The following MYO9A variants were observed in gnomAD, a reference collection of about 807,000 sequenced individuals.
MYO9A encodes unconventional myosin-IXa.
MYO9A carries 103 observed loss-of-function variants against 293.3 expected under a neutral mutation model. The observed-to-expected ratio is 0.35, with a 90% confidence interval of 0.30 to 0.41. The LOEUF is 0.41. Among genes scored for constraint, MYO9A ranks in the 10% least tolerant of loss-of-function variants. MYO9A has a pLI of 1.00. For missense variants in MYO9A, 2,685 were observed against 3,033.0 expected (o/e 0.89, Z 2.69); for synonymous variants, 1,001 against 1,035.7 (o/e 0.97, Z 0.64).
Position 71,878,366 on chromosome 15 carries a change from A to G in MYO9A, c.5740-135T>C, listed in dbSNP as rs181665105. 9 of 544,306 alleles carry G rather than the reference A, an allele frequency of 1.7e-5. No homozygotes were observed. The East Asian group carries it at 2.3e-4, about 14-fold the overall frequency. 33.7% of individuals were successfully genotyped at this position (544,306 alleles called of 1,614,324 possible). On this transcript the variant is annotated intron_variant, in intron 30 of 41. Transcript: ENST00000356056. ...GATATAATTTCTAATGAGCATGCCC[A>G]TGAGGTCATGTGGTATTTGTAAACT... is the stretch of plus-strand genomic sequence containing the variant.
chr15:71,925,186 T>A (rs12148549), intron 18 of MYO9A, among the ~76,000 whole-genome samples: 6 of 2,692 alleles, frequency 2.2e-3, no homozygotes, highest in Non-Finnish European at 9.5e-3. Flanking sequence ...CATATATACA[T>A]GTGTATATAT....
chr15:72,093,849 T>C (rs1388020723), intron 1 of MYO9A, among the ~76,000 whole-genome samples: 1 of 90,208 alleles, frequency 1.1e-5, no homozygotes, highest in African/African-American at 2.6e-5. Context: ...ACTGTGCCAC[T>C]GCACTCCAGC....
chr15:71,874,365 C>T (rs555966190), intron 32 of MYO9A, among the ~76,000 whole-genome samples: 4 of 151,832 alleles, frequency 2.6e-5, no homozygotes, highest in African/African-American at 9.7e-5. Context: ...AAAGTAAAGA[C>T]GATAGGAGGA....
At chr15:72,100,888 G>C (rs1471962623) in intron 1 of MYO9A, among the ~76,000 whole-genome samples, 4 of 121,698 alleles carry the variant, frequency 3.3e-5, no homozygotes, top group Non-Finnish European at 7.0e-5. Context: ...TCAGCCCCCC[G>C]CCGGCCAGCC....
At chr15:72,080,919 T>C (rs929429120) in intron 1 of MYO9A, among the ~76,000 whole-genome samples, 8 of 152,116 alleles carry the variant, frequency 5.3e-5, no homozygotes, top group African/African-American at 1.9e-4. Context: ...CTACACAGTA[T>C]TCCATGGTGT....
chr15:72,087,362 TCTGG>T (rs925670872), intron 1 of MYO9A, among the ~76,000 whole-genome samples: 50 of 152,206 alleles, frequency 3.3e-4, no homozygotes, highest in Non-Finnish European at 1.3e-4. Context: ...CACCAAACCC[TCTGG>T]GCTCTGCACT....
chr15:71,940,302 CTG>C (rs1338724771), intron 15 of MYO9A, among the ~76,000 whole-genome samples: 1 of 152,140 alleles, frequency 6.6e-6, no homozygotes, highest in Non-Finnish European at 1.5e-5. Flanking sequence ...CAGGACAAGC[CTG>C]GGCAACATGC....
chr15:71,981,532 C>A (rs1251643051), intron 11 of MYO9A, among the ~76,000 whole-genome samples: 2 of 152,122 alleles, frequency 1.3e-5, no homozygotes, highest in Admixed American at 6.6e-5. Context: ...TTTGACAAGT[C>A]TATTAACATA....
intron 37 of MYO9A, among the ~76,000 whole-genome samples, chr15:71,850,622 AG>A (rs60189555): frequency 1 from 152,031 of 152,032 alleles, 76,015 homozygotes; most frequent in Non-Finnish European, 1. Flanking sequence ...AAAATTAGCC[AG>A]GGTGTGGTGG....
At chr15:71,886,117 AT>A (rs1377329978) in intron 27 of MYO9A, among the ~76,000 whole-genome samples, 1 of 150,366 alleles carries the variant, frequency 6.7e-6, no homozygotes, top group Non-Finnish European at 1.5e-5. Context: ...TTATCTGTTA[AT>A]TTTGGTTTCT....
In MYO9A at chr15:71,951,854, T is replaced by C. The variant is rs1316771019; in HGVS notation, c.2225A>G (p.Asp742Gly). The C allele has an allele frequency of 1.9e-6, 3 of 1,611,628 alleles. No individual in the cohort carries two copies. The highest frequency in any genetic ancestry group is 1.7e-5 in the Admixed American group (1 of 59,726). The stretch of plus-strand genomic sequence containing the variant: ...TGGGTGTTGGAGAAAGCTAAAACTA[T>C]CCATACTTTTCAAAATTGCACATGG... ...TAPCAILKSM[D>G]SFSFLQHPVH... The change falls in exon 15 of 42, where the codon GAT (aspartate) becomes GGT (glycine). Residue 742 changes from aspartate (D) to glycine (G), a missense_variant. This residue lies in a region of MYO9A where 1,434 missense variants were observed against 1,497.7 expected (regional missense o/e 0.96). Coordinates refer to ENST00000356056, the MANE Select transcript of MYO9A (RefSeq NM_006901.4).
At chr15:72,052,983 A>AAGT (rs1446976397) in intron 1 of MYO9A, among the ~76,000 whole-genome samples, 3 of 152,170 alleles carry the variant, frequency 2.0e-5, no homozygotes, top group Non-Finnish European at 4.4e-5. Flanking sequence ...TCACCCCAAG[A>AAGT]AGTATCACCC....
At chr15:72,063,140 A>T (rs1201076679) in intron 1 of MYO9A, among the ~76,000 whole-genome samples, 1 of 152,256 alleles carries the variant, frequency 6.6e-6, no homozygotes, top group East Asian at 1.9e-4. Context: ...AAGAACACAC[A>T]CTGGGGAAAA....
chr15:72,087,685 G>A (rs2079784324), intron 1 of MYO9A, among the ~76,000 whole-genome samples: 1 of 152,142 alleles, frequency 6.6e-6, no homozygotes, highest in South Asian at 2.1e-4. Flanking sequence ...TTAGGAGTGT[G>A]CCAGTTGTCC....
chr15:72,001,868 A>G (rs2076875900), intron 8 of MYO9A, among the ~76,000 whole-genome samples: 1 of 152,198 alleles, frequency 6.6e-6, no homozygotes, highest in South Asian at 2.1e-4. Context: ...AAAATACATT[A>G]AAGAACAAAA....
intron 25 of MYO9A, chr15:71,897,083 G>A (rs1416862539): frequency 5.6e-6 from 1 of 179,122 alleles, no homozygotes; most frequent in African/African-American, 2.4e-5. Flanking sequence ...GCCAACAGCT[G>A]TAACAAAACA....
intron 1 of MYO9A, among the ~76,000 whole-genome samples, chr15:72,057,055 C>T (rs1337089106): frequency 2.0e-5 from 3 of 149,196 alleles, no homozygotes; most frequent in Non-Finnish European, 4.5e-5. Context: ...TGCAGTGAGC[C>T]GAGATTGCAC....
chr15:72,099,264 C>T (rs1309762726), intron 1 of MYO9A, among the ~76,000 whole-genome samples: 1 of 151,784 alleles, frequency 6.6e-6, no homozygotes, highest in Non-Finnish European at 1.5e-5. Context: ...CATGGTGAAA[C>T]CTCATCTCCA....
chr15:71,861,853 G>T (rs1394630691), intron 33 of MYO9A, among the ~76,000 whole-genome samples: 1 of 152,156 alleles, frequency 6.6e-6, no homozygotes, highest in Non-Finnish European at 1.5e-5. Flanking sequence ...AGGCTGGAGG[G>T]GCGGGCGCAG....
Sources: allele counts gnomAD v4.1 joint callset (sites outside exome capture counted in the v4.1 genomes callset), GRCh38; gene constraint gnomAD v4.1.1; regional missense constraint gnomAD v4.1.1; transcripts MANE v1.5; gene names NCBI Gene and HGNC (gene_info 2026-07-23, HGNC 2026-07-21).